Variants in IDS observed in about 807,000 individuals in gnomAD.
The protein encoded by IDS is iduronate 2-sulfatase.
IDS carries 1 observed loss-of-function variant against 33.5 expected under a neutral mutation model. The observed-to-expected ratio is 0.03, with a 90% CI of 0.01 to 0.14. The LOEUF (loss-of-function observed/expected upper bound fraction) is 0.14. Ranked by LOEUF, IDS falls within the 10% of genes least tolerant of loss-of-function variation. IDS has a pLI of 1.00. For missense variants in IDS, 328 were observed against 448.0 expected, an observed-to-expected ratio of 0.73 and a Z score of 2.42; for synonymous variants, 191 against 184.4, an observed-to-expected ratio of 1.04 and a Z score of -0.29.
chrX:149,482,011 T>G lies in IDS; in HGVS notation c.*735A>C, dbSNP rs2124647476. On this transcript the variant is annotated 3_prime_UTR_variant, in exon 9 of 9. Transcript: ENST00000340855. ...GTCATATTATTTGCTAACAAATTAT[T>G]ATTTGGGCCAGAAAGTATCTGAAAA... 1 of 112,589 alleles carries G rather than the reference T, an allele frequency of 8.9e-6. No homozygotes were observed. The highest frequency in any genetic ancestry group is 3.2e-5 in the African/African-American group (1 of 31,082). 9.3% of individuals were successfully genotyped at this position (112,589 alleles called of 1,213,427 possible). A position where few individuals can be genotyped will look rare whatever the true frequency, so the allele number is the denominator to read the frequency against.
chrX:149,492,447 T>C lies in IDS; in HGVS notation c.880-2007A>G, dbSNP rs138266294. ...CTGCAGGGCACGGAACAGTGTGGAGTTGTGACAGAGCAGGTTGCATTTGGG... is the reference window on the plus strand; with the variant it reads ...CTGCAGGGCACGGAACAGTGTGGAGCTGTGACAGAGCAGGTTGCATTTGGG... On this transcript the variant is annotated intron_variant, in intron 6 of 8. Coordinates refer to ENST00000340855, the MANE Select transcript of IDS (RefSeq NM_000202.8). 8.1e-3 allele frequency among the ~76,000 whole-genome samples: 885 copies of C among 109,907 alleles called. 6 individuals are homozygous for C. The highest frequency in any genetic ancestry group is 0.027 in the African/African-American group (826 of 30,140).
At chrX:149,491,095 GA>G (rs150518206) in intron 6 of IDS, among the ~76,000 whole-genome samples, 2,411 of 111,110 alleles carry the variant, frequency 0.022, 41 homozygotes, top group Middle Eastern at 0.059. Flanking sequence ...CCTTTTCAGG[GA>G]AAAAAAAATT....
intron 5 of IDS, among the ~76,000 whole-genome samples, chrX:149,497,860 A>G (rs1479683395): frequency 2.7e-5 from 3 of 112,477 alleles, no homozygotes; most frequent in Non-Finnish European, 5.6e-5. Context: ...AATAAGTTCA[A>G]GGAAAGGAAA....
chrX:149,490,531 A>G (rs1210033707), intron 6 of IDS, 91 bp from the exon 7 acceptor site: 34 of 936,515 alleles, frequency 3.6e-5, no homozygotes, highest in Non-Finnish European at 5.0e-5. Context: ...ATCTCTCCCA[A>G]TCCCTACCCC....
chrX:149,482,724 T>C lies in IDS; in HGVS notation c.*22A>G, dbSNP rs1557337551. 4.1e-6 allele frequency: 5 copies of C among 1,211,491 alleles called. No homozygotes were observed. Among genetic ancestry groups the C allele is most frequent in the Non-Finnish European group, 5.6e-6 (5 of 895,554 alleles). ...CAGCTGGAAGGGAGCACATCACATT[T>C]GCCATCCATGGTTGGCAAAACTCAA... On this transcript the variant is annotated 3_prime_UTR_variant, in exon 9 of 9. Transcript: ENST00000340855.
chrX:149,484,550 G>C (rs1295786039), intron 8 of IDS, among the ~76,000 whole-genome samples: 2 of 112,616 alleles, frequency 1.8e-5, no homozygotes, highest in Non-Finnish European at 3.8e-5. Flanking sequence ...TTGATCTCCT[G>C]ACCTCGTGAT....
intron 8 of IDS, among the ~76,000 whole-genome samples, chrX:149,484,318 T>G (rs1307803786): frequency 8.9e-6 from 1 of 112,429 alleles, no homozygotes; most frequent in Non-Finnish European, 1.9e-5. Flanking sequence ...TCTTAACACT[T>G]GTTTCATTCT....
intron 3 of IDS, chrX:149,502,961 G>A: frequency 4.6e-6 from 2 of 433,097 alleles, no homozygotes; most frequent in Non-Finnish European, 8.0e-6. Context: ...CCCACCCCTA[G>A]GTTTACTGAC....
rs781915630 is a variant in IDS at position 149,503,298 on chromosome X, A to G, written c.418+14T>C. ...CAAACCAAGAGAACCCAGACTCTGG[A>G]CATGGAGCAGTACCAGGGTGAAAGA... On this transcript the variant is annotated intron_variant, in intron 3 of 8. Coordinates refer to ENST00000340855, the MANE Select transcript of IDS (RefSeq NM_000202.8). 9 of 1,208,366 alleles carry G rather than the reference A, an allele frequency of 7.4e-6. No individual in the cohort carries two copies. The South Asian group carries it at 1.6e-4, about 21-fold the overall frequency.
At chrX:149,488,706 G>A (rs1188121275) in intron 7 of IDS, among the ~76,000 whole-genome samples, 1 of 110,663 alleles carries the variant, frequency 9.0e-6, no homozygotes, top group African/African-American at 3.3e-5. Flanking sequence ...AACATCTGGT[G>A]CCGGGCCTCA....
At chrX:149,504,421 C>CGCTGTG in intron 1 of IDS, 128 bp from the exon 2 acceptor site, 1 of 721,583 alleles carries the variant, frequency 1.4e-6, no homozygotes, top group Non-Finnish European at 2.1e-6. Flanking sequence ...CCAGGGAGGG[C>CGCTGTG]GCTGTGCCTC....
Position 149,504,291 on chromosome X carries a change from C to A in IDS, c.106G>T (p.Ala36Ser), listed in dbSNP as rs782736039. The A allele has an allele frequency of 1.7e-6, 2 of 1,192,641 alleles. No homozygotes were observed. Among genetic ancestry groups the A allele is most frequent in the East Asian group, 6.0e-5 (2 of 33,149 alleles). The change falls in exon 2 of 9, where the codon GCT (alanine) becomes TCT (serine). Residue 36 changes from alanine (A) to serine (S), a missense_variant and splice_region_variant. By Grantham distance (99) the Ala-to-Ser change is moderately conservative. Around this residue, in one of 4 missense-constraint regions of IDS, gnomAD observed 45 missense variants for 33.6 expected, o/e 1.34. Transcript: ENST00000340855. ...SETQANSTTDALNVLLIIVDD... is the reference protein window; with the variant it reads ...SETQANSTTDSLNVLLIIVDD... ...ACGATGATGAGAAGAACGTTCAGAG[C>A]ATCTACACAGGAGGGAGGGGCTTTG...
At position 149,496,503 on chromosome X, in the gene IDS, A is replaced by G; in HGVS notation, c.722T>C (p.Leu241Ser). The change falls in exon 6 of 9, where the codon TTG (leucine) becomes TCG (serine). Residue 241 changes from leucine (L) to serine (S), a missense_variant. Physicochemically the swap from Leu to Ser is moderately radical, Grantham distance 145. This residue lies in a region of IDS where 265 missense variants were observed against 339.2 expected (regional missense o/e 0.78). Coordinates refer to ENST00000340855, the MANE Select transcript of IDS (RefSeq NM_000202.8). ...CAGGGTGATGTTCTCCAAGGGATACAACTTCTGAAATTCCTTGGGGAAAAA... is the reference window on the plus strand; with the variant it reads ...CAGGGTGATGTTCTCCAAGGGATACGACTTCTGAAATTCCTTGGGGAAAAA... ...PFRYPKEFQK[L>S]YPLENITLAP... 2 of 1,211,336 alleles carry G rather than the reference A, an allele frequency of 1.7e-6. No homozygotes were observed. The highest frequency in any genetic ancestry group is 2.2e-6 in the Non-Finnish European group (2 of 895,347).
At chrX:149,489,457 G>A (rs1341152963) in intron 7 of IDS, among the ~76,000 whole-genome samples, 5 of 112,500 alleles carry the variant, frequency 4.4e-5, no homozygotes, top group African/African-American at 6.5e-5. Flanking sequence ...CCCTGAGCAG[G>A]TGGGAGAAAA....
At position 149,488,240 on chromosome X, in the gene IDS, C is replaced by T. The variant is rs1459557813; in HGVS notation, c.1007-1142G>A. On this transcript the variant is annotated intron_variant, in intron 7 of 8. Coordinates refer to ENST00000340855, the MANE Select transcript of IDS (RefSeq NM_000202.8). ...GACACCCGCCCCAGTCAGTAAGCCC[C>T]GGGGCCTGAGGGGCATCCCCACTGC... is the stretch of plus-strand genomic sequence containing the variant. 2.9e-5 allele frequency among the ~76,000 whole-genome samples: 3 copies of T among 101,966 alleles called. No homozygotes were observed. The Admixed American group carries it at 3.1e-4, about 11-fold the overall frequency. 88.5% of individuals were successfully genotyped at this position (101,966 alleles called of 115,157 possible).
rs781822482 is a variant in IDS at position 149,505,173 on chromosome X, A to T, written c.-36T>A. Reference sequence around the variant, plus strand: ...ACGCGGCCGCTTCAGAGCGGCGGGGACAGGCTGCAGCAGGTGGCGCAGTTA... The same window carrying T: ...ACGCGGCCGCTTCAGAGCGGCGGGGTCAGGCTGCAGCAGGTGGCGCAGTTA... On this transcript the variant is annotated 5_prime_UTR_variant, in exon 1 of 9. Transcript: ENST00000340855. The T allele has an allele frequency of 9.4e-7, 1 of 1,066,749 alleles. No homozygotes were observed. The highest frequency in any genetic ancestry group is 2.3e-5 in the Admixed American group (1 of 43,499). 87.9% of individuals were successfully genotyped at this position (1,066,749 alleles called of 1,213,427 possible).
rs1557340598 is a variant in IDS at position 149,505,104 on chromosome X, A to G, written c.34T>C (p.Trp12Arg). The change falls in exon 1 of 9, where the codon TGG becomes CGG. Residue 12 changes from tryptophan to arginine, a missense_variant. Physicochemically the swap from Trp to Arg is moderately radical, Grantham distance 101. Around this residue, in one of 4 missense-constraint regions of IDS, gnomAD observed 45 missense variants for 33.6 expected, o/e 1.34. Coordinates refer to ENST00000340855, the MANE Select transcript of IDS (RefSeq NM_000202.8). ...PPPRTGRGLL[W>R]LGLVLSSVCV... ...ACGGAGCTCAGAACCAGACCCAGCC[A>G]GAGAAGGCCTCGGCCGGTCCGGGGT... 1 of 1,203,940 alleles carries G rather than the reference A, an allele frequency of 8.3e-7. No homozygotes were observed. The highest frequency in any genetic ancestry group is 2.2e-5 in the Admixed American group (1 of 45,911).
At chrX:149,484,027 G>A (rs1441344433) in intron 8 of IDS, among the ~76,000 whole-genome samples, 1 of 112,635 alleles carries the variant, frequency 8.9e-6, no homozygotes, top group Non-Finnish European at 1.9e-5. Flanking sequence ...TTGCATGGAC[G>A]GACCACATTT....
At chrX:149,489,776 T>C (rs1409522877) in intron 7 of IDS, among the ~76,000 whole-genome samples, 2 of 111,244 alleles carry the variant, frequency 1.8e-5, no homozygotes, top group African/African-American at 6.5e-5. Context: ...TTCCCTGCTC[T>C]TGGAATGTTG....
Sources: allele counts gnomAD v4.1 joint callset (sites outside exome capture counted in the v4.1 genomes callset), GRCh38; gene constraint gnomAD v4.1.1; regional missense constraint gnomAD v4.1.1; transcripts MANE v1.5; gene names NCBI Gene and HGNC (gene_info 2026-07-23, HGNC 2026-07-21).